SSBP2: variants seen among roughly 807,000 people sequenced by gnomAD.
The protein encoded by SSBP2 is single-stranded DNA-binding protein 2.
A neutral mutation model predicts 61.8 loss-of-function variants in SSBP2; 17 were observed. That is an observed-to-expected ratio of 0.28 (90% confidence interval 0.19 to 0.41). The LOEUF is 0.41. Ranked by LOEUF, SSBP2 falls within the 10% of genes least tolerant of loss-of-function variation. The pLI, the probability that SSBP2 is intolerant of heterozygous loss-of-function variation, is 1.00. For synonymous variants in SSBP2, 139 were observed against 141.3 expected, an observed-to-expected ratio of 0.98 and a Z score of 0.12; for missense variants, 310 against 458.7, an observed-to-expected ratio of 0.68 and a Z score of 2.96.
At chr5:81,612,778 A>G (rs1745580634) in intron 4 of SSBP2, among the ~76,000 whole-genome samples, 1 of 152,052 alleles carries the variant, frequency 6.6e-6, no homozygotes, top group African/African-American at 2.4e-5. Flanking sequence ...GTATTTTAAA[A>G]TTCAGTAGGT....
intron 1 of SSBP2, among the ~76,000 whole-genome samples, chr5:81,656,288 A>T (rs1198190514): frequency 6.6e-6 from 1 of 152,006 alleles, no homozygotes; most frequent in Non-Finnish European, 1.5e-5. Context: ...TTGACCTGGT[A>T]ATCCGCCCAC....
chr5:81,529,031 A>G (rs1262789718), intron 4 of SSBP2, among the ~76,000 whole-genome samples: 1 of 152,044 alleles, frequency 6.6e-6, no homozygotes, highest in Admixed American at 6.6e-5. Context: ...AAAAATACAC[A>G]TTTTTTTCAA....
intron 1 of SSBP2, among the ~76,000 whole-genome samples, chr5:81,749,917 C>T (rs941517509): frequency 2.6e-5 from 4 of 152,192 alleles, no homozygotes; most frequent in African/African-American, 9.6e-5. Flanking sequence ...CACCTGAACG[C>T]TTCTCCCCTC....
chr5:81,468,095 A>G (rs921747159), intron 8 of SSBP2, among the ~76,000 whole-genome samples: 1 of 151,954 alleles, frequency 6.6e-6, no homozygotes, highest in Admixed American at 6.6e-5. Flanking sequence ...AGTAAACTCA[A>G]TATTATCTTC....
At chr5:81,474,107 T>C (rs1580775466) in intron 7 of SSBP2, among the ~76,000 whole-genome samples, 1 of 152,206 alleles carries the variant, frequency 6.6e-6, no homozygotes, top group Non-Finnish European at 1.5e-5. Context: ...GTTAAACTAA[T>C]CAGGCCCCTT....
chr5:81,653,346 A>G (rs1453875250), intron 1 of SSBP2, among the ~76,000 whole-genome samples: 2 of 152,166 alleles, frequency 1.3e-5, no homozygotes, highest in East Asian at 3.8e-4. Flanking sequence ...CCAGTCTATC[A>G]CTGATGGGCA....
intron 4 of SSBP2, among the ~76,000 whole-genome samples, chr5:81,613,896 G>A (rs1009640527): frequency 6.6e-6 from 1 of 152,108 alleles, no homozygotes; most frequent in African/African-American, 2.4e-5. Flanking sequence ...CCCATGTCCT[G>A]GGCCCTGCTT....
At chr5:81,614,845 G>T (rs1745842604) in intron 4 of SSBP2, among the ~76,000 whole-genome samples, 1 of 150,458 alleles carries the variant, frequency 6.6e-6, no homozygotes, top group African/African-American at 2.4e-5. Context: ...GATACTATCA[G>T]CTCTCTAAAA....
intron 1 of SSBP2, among the ~76,000 whole-genome samples, chr5:81,741,179 C>T (rs1757000500): frequency 6.6e-6 from 1 of 152,228 alleles, no homozygotes; most frequent in Non-Finnish European, 1.5e-5. Context: ...GGGATTATAT[C>T]TACTTTACGA....
intron 4 of SSBP2, among the ~76,000 whole-genome samples, chr5:81,598,319 C>T (rs1036864617): frequency 6.6e-5 from 10 of 152,074 alleles, no homozygotes; most frequent in African/African-American, 2.2e-4. Context: ...GGAGTGATAC[C>T]TTTGAAGTAC....
At chr5:81,527,452 A>G (rs1770031205) in intron 4 of SSBP2, among the ~76,000 whole-genome samples, 1 of 152,086 alleles carries the variant, frequency 6.6e-6, no homozygotes, top group South Asian at 2.1e-4. Context: ...GATTTCTAGC[A>G]TAAGCATTGC....
intron 1 of SSBP2, among the ~76,000 whole-genome samples, chr5:81,674,660 A>G (rs551981646): frequency 5.3e-4 from 80 of 152,312 alleles, no homozygotes; most frequent in Middle Eastern, 3.4e-3. Flanking sequence ...TCTACATTTT[A>G]TATTAATTGA....
At chr5:81,579,773 A>G (rs1335300728) in intron 4 of SSBP2, among the ~76,000 whole-genome samples, 1 of 152,120 alleles carries the variant, frequency 6.6e-6, no homozygotes, top group Non-Finnish European at 1.5e-5. Flanking sequence ...CCTAGATACT[A>G]CCTAGTGAAT....
At chr5:81,510,664 G>T (rs1768530857) in intron 5 of SSBP2, among the ~76,000 whole-genome samples, 1 of 152,080 alleles carries the variant, frequency 6.6e-6, no homozygotes, top group Admixed American at 6.5e-5. Flanking sequence ...AGGAGGCTGT[G>T]GCAGGAGACT....
intron 3 of SSBP2, among the ~76,000 whole-genome samples, chr5:81,631,735 TCACCACCAC>T (rs1561630193): frequency 6.6e-6 from 1 of 152,056 alleles, no homozygotes; most frequent in African/African-American, 2.4e-5. Flanking sequence ...ATCATCATCA[TCACCACCAC>T]CACCACCCTC....
intron 1 of SSBP2, among the ~76,000 whole-genome samples, chr5:81,723,286 T>C (rs1311784390): frequency 6.6e-6 from 1 of 152,014 alleles, no homozygotes; most frequent in Admixed American, 6.6e-5. Flanking sequence ...CTTGAGAAGG[T>C]TCTTGGTTCT....
chr5:81,540,142 T>C (rs951264373), intron 4 of SSBP2, among the ~76,000 whole-genome samples: 4 of 152,202 alleles, frequency 2.6e-5, no homozygotes, highest in African/African-American at 4.8e-5. Context: ...CAGTCTATCA[T>C]TGATGGGCAT....
At chr5:81,449,214 A>G (rs1487136930) in intron 10 of SSBP2, among the ~76,000 whole-genome samples, 2 of 152,204 alleles carry the variant, frequency 1.3e-5, no homozygotes, top group Non-Finnish European at 2.9e-5. Context: ...CTATGCAAAA[A>G]AAGTTTGTTA....
At position 81,417,906 on chromosome 5, in the gene SSBP2, A is replaced by C. The variant is rs1173413811; in HGVS notation, c.*2598T>G. ...TGCTCTGCCTTGAAAAAAAAAACGA[A>C]TTTTACTTTTAGGTTAGAAATAATG... On this transcript the variant is annotated 3_prime_UTR_variant, in exon 17 of 17. Coordinates refer to ENST00000320672, the MANE Select transcript of SSBP2 (RefSeq NM_012446.5). 3 of 152,136 alleles carry C rather than the reference A, an allele frequency of 2.0e-5. No individual in the cohort carries two copies. Among genetic ancestry groups the C allele is most frequent in the African/African-American group, 7.2e-5 (3 of 41,438 alleles). The allele number at this position is 152,136 out of a possible 1,614,324, so 9.4% of individuals were successfully genotyped here. A position where few individuals can be genotyped will look rare whatever the true frequency, so the allele number is the denominator to read the frequency against.
Sources: allele counts gnomAD v4.1 joint callset (sites outside exome capture counted in the v4.1 genomes callset), GRCh38; gene constraint gnomAD v4.1.1; transcripts MANE v1.5; gene names NCBI Gene and HGNC (gene_info 2026-07-23, HGNC 2026-07-21).